The following RPN2 variants were observed in gnomAD, a reference collection of about 807,000 sequenced individuals.
The protein encoded by RPN2 is ribophorin II, also known as dolichyl-diphosphooligosaccharide--protein glycosyltransferase subunit 2.
A neutral mutation model predicts 71.4 loss-of-function variants in RPN2; 29 were observed. That is an observed-to-expected ratio of 0.41 (90% CI 0.30 to 0.55). The LOEUF is 0.55. Among genes scored for constraint, RPN2 ranks in the 20% least tolerant of loss-of-function variants. The probability of loss-of-function intolerance (pLI) is 0.35; values close to 1 mark genes in which losing one functional copy is unlikely to be tolerated. For synonymous variants in RPN2, 308 were observed against 305.0 expected (o/e 1.01, Z -0.10); for missense variants, 726 against 774.1 (o/e 0.94, Z 0.74).
At position 37,204,760 on chromosome 20, in the gene RPN2, A is replaced by G. The variant is rs560769194; in HGVS notation, c.556-7A>G. On this transcript the variant is annotated splice_region_variant and splice_polypyrimidine_tract_variant and intron_variant, in intron 5 of 16. Coordinates refer to ENST00000237530, the MANE Select transcript of RPN2 (RefSeq NM_002951.5). The stretch of plus-strand genomic sequence containing the variant: ...ACATCCAGCATATTTCTGTTTTGTT[A>G]TGGCAGGACCTTGTTGCTCGCCTGG... 6 of 1,614,004 alleles carry G rather than the reference A, an allele frequency of 3.7e-6. No homozygotes were observed. Among genetic ancestry groups the G allele is most frequent in the Non-Finnish European group, 5.1e-6 (6 of 1,180,032 alleles).
At chr20:37,236,733 A>C (rs1007177168) in intron 16 of RPN2, 24 bp downstream of exon 16, 9 of 1,612,540 alleles carry the variant, frequency 5.6e-6, no homozygotes, top group Non-Finnish European at 6.8e-6. Context: ...TGAGCCAGGG[A>C]TCTAGAGTAG....
intron 12 of RPN2, 121 bp downstream of exon 12, chr20:37,228,865 T>C (rs1444782806): frequency 2.2e-6 from 2 of 914,002 alleles, no homozygotes; most frequent in Non-Finnish European, 3.5e-6. Context: ...ATAAATAAGC[T>C]TGGGAGGTGA....
At chr20:37,204,052 C>A in intron 5 of RPN2, 92 bp downstream of exon 5, 4 of 864,494 alleles carry the variant, frequency 4.6e-6, no homozygotes, top group Non-Finnish European at 5.8e-6. Flanking sequence ...TCTGTTACTA[C>A]AGGTTACATT....
chr20:37,184,909 C>T (rs1384454548), intron 2 of RPN2, among the ~76,000 whole-genome samples: 3 of 152,122 alleles, frequency 2.0e-5, no homozygotes, highest in Non-Finnish European at 4.4e-5. Flanking sequence ...GAAGAGCAAG[C>T]ATAGATCATC....
At chr20:37,215,338 G>T (rs1432761715) in intron 9 of RPN2, among the ~76,000 whole-genome samples, 2 of 152,168 alleles carry the variant, frequency 1.3e-5, no homozygotes, top group Admixed American at 6.5e-5. Context: ...GATGTTTTCT[G>T]GAACTCGAAT....
At chr20:37,205,741 A>G (rs943317775) in intron 6 of RPN2, among the ~76,000 whole-genome samples, 16 of 152,092 alleles carry the variant, frequency 1.1e-4, no homozygotes, top group African/African-American at 3.9e-4. Context: ...CTTTGTCCTA[A>G]GTGTAGGAGG....
chr20:37,233,842 A>G (rs1438945741), intron 14 of RPN2, among the ~76,000 whole-genome samples, 178 bp from the exon 15 acceptor site: 1 of 152,240 alleles, frequency 6.6e-6, no homozygotes, highest in East Asian at 1.9e-4. Context: ...GAAAAAGGGA[A>G]CAAGTTTCCC....
chr20:37,222,055 C>T (rs541179709), intron 9 of RPN2, among the ~76,000 whole-genome samples: 34 of 152,346 alleles, frequency 2.2e-4, no homozygotes, highest in Middle Eastern at 3.4e-3. Flanking sequence ...CTGAGCCTTC[C>T]ATTCCAGTTT....
At chr20:37,198,113 A>ACT (rs2067292785) in intron 2 of RPN2, among the ~76,000 whole-genome samples, 1 of 152,106 alleles carries the variant, frequency 6.6e-6, no homozygotes, top group Non-Finnish European at 1.5e-5. Flanking sequence ...CTTCCTAAAT[A>ACT]CCCAGCACAG....
chr20:37,225,644 TATACTG>T, intron 10 of RPN2, 38 bp from the exon 11 acceptor site: 1 of 1,273,092 alleles, frequency 7.9e-7, no homozygotes, highest in Non-Finnish European at 1.2e-6. Context: ...TTCTCAGAGA[TATACTG>T]ATCCTCTCTG....
chr20:37,201,018 T>G (rs1487095059), intron 4 of RPN2, among the ~76,000 whole-genome samples: 1 of 152,196 alleles, frequency 6.6e-6, no homozygotes, highest in Non-Finnish European at 1.5e-5. Flanking sequence ...TCATTCCTTG[T>G]GTCTGACTTT....
At chr20:37,237,589 C>T (rs2068432581) in intron 16 of RPN2, among the ~76,000 whole-genome samples, 1 of 152,100 alleles carries the variant, frequency 6.6e-6, no homozygotes, top group Non-Finnish European at 1.5e-5. Context: ...CTCATCTCCG[C>T]CCGAGTCTCC....
At chr20:37,226,833 G>A (rs1600831157) in intron 11 of RPN2, among the ~76,000 whole-genome samples, 1 of 152,074 alleles carries the variant, frequency 6.6e-6, no homozygotes, top group Non-Finnish European at 1.5e-5. Context: ...AGAATAACCT[G>A]CCTTTAGTGT....
At chr20:37,229,562 CTTCTT>C (rs2068180637) in intron 12 of RPN2, among the ~76,000 whole-genome samples, 1 of 152,156 alleles carries the variant, frequency 6.6e-6, no homozygotes. Context: ...GTATTCAAGA[CTTCTT>C]TTCTTCTCCT....
intron 2 of RPN2, among the ~76,000 whole-genome samples, chr20:37,189,717 T>C (rs1470221451): frequency 6.6e-6 from 1 of 152,234 alleles, no homozygotes; most frequent in Non-Finnish European, 1.5e-5. Context: ...TAATTCTGGC[T>C]CCACCTCTCT....
intron 16 of RPN2, among the ~76,000 whole-genome samples, chr20:37,239,028 G>A (rs956473355): frequency 2.0e-5 from 3 of 152,222 alleles, no homozygotes; most frequent in Non-Finnish European, 4.4e-5. Context: ...AAAATGTGAA[G>A]TGAGATTCCA....
intron 11 of RPN2, 73 bp from the exon 12 acceptor site, chr20:37,228,477 G>C: frequency 7.0e-7 from 1 of 1,420,582 alleles, no homozygotes; most frequent in Admixed American, 1.7e-5. Flanking sequence ...TCTGCTGCCC[G>C]GTGGATTCAA....
intron 2 of RPN2, among the ~76,000 whole-genome samples, chr20:37,192,175 A>G (rs1190941979): frequency 3.3e-5 from 5 of 152,232 alleles, no homozygotes; most frequent in African/African-American, 1.2e-4. Flanking sequence ...TAATAAGTGT[A>G]AAGTGCTTAG....
At chr20:37,209,647 A>C (rs1394083941) in intron 7 of RPN2, among the ~76,000 whole-genome samples, 2 of 150,298 alleles carry the variant, frequency 1.3e-5, no homozygotes, top group African/African-American at 2.5e-5. Flanking sequence ...AATTTAAAAA[A>C]CTTTTTTTTT....
Sources: gnomAD v4.1 joint callset for allele counts (sites outside exome capture counted in the v4.1 genomes callset) on GRCh38, gnomAD v4.1.1 for gene constraint, MANE v1.5 for transcripts, NCBI Gene and HGNC (gene_info 2026-07-23, HGNC 2026-07-21) for gene names.